The following ZC3H3 variants were observed in gnomAD, a reference collection of about 807,000 sequenced individuals.
ZC3H3 encodes zinc finger CCCH-type containing 3.
ZC3H3 carries 36 observed loss-of-function variants against 77.3 expected under a neutral mutation model. That is an observed-to-expected ratio of 0.47 (90% CI 0.36 to 0.61). The LOEUF (loss-of-function observed/expected upper bound fraction) is 0.61, where lower values mean the gene tolerates loss of function less well. ZC3H3 is among the 20% of genes least tolerant of loss of function. The pLI is 0.00. For synonymous variants in ZC3H3, 626 were observed against 555.2 expected, an observed-to-expected ratio of 1.13 and a Z score of -1.79; for missense variants, 1,331 against 1,312.2, an observed-to-expected ratio of 1.01 and a Z score of -0.22.
In ZC3H3 at chr8:143,521,781, C is replaced by T. The variant is rs200235808; in HGVS notation, c.1562-13882G>A. 4.6e-5 allele frequency among the ~76,000 whole-genome samples: 7 copies of T among 152,322 alleles called. No homozygotes were observed. The East Asian group carries it at 7.7e-4, about 17-fold the overall frequency. On this transcript the variant is annotated intron_variant, in intron 3 of 11. Coordinates refer to ENST00000262577, the MANE Select transcript of ZC3H3 (RefSeq NM_015117.3). Reference sequence around the variant, plus strand: ...CCCCAGAAGGGGTCCCCAGGAAGAACGTAAATTGAGCACACATGCATCTTT... The same window carrying T: ...CCCCAGAAGGGGTCCCCAGGAAGAATGTAAATTGAGCACACATGCATCTTT...
At chr8:143,531,801 T>C (rs553131481) in intron 3 of ZC3H3, among the ~76,000 whole-genome samples, 1 of 152,390 alleles carries the variant, frequency 6.6e-6, no homozygotes, top group East Asian at 1.9e-4. Context: ...TTCAATTTTC[T>C]TTTTATTAGC....
intron 4 of ZC3H3, among the ~76,000 whole-genome samples, chr8:143,496,449 G>A (rs988774473): frequency 1.3e-5 from 2 of 152,224 alleles, no homozygotes; most frequent in African/African-American, 2.4e-5. Flanking sequence ...TCAAAGGGAC[G>A]CAGGCCAGCC....
chr8:143,529,631 G>A (rs889482358), intron 3 of ZC3H3, among the ~76,000 whole-genome samples: 4 of 152,290 alleles, frequency 2.6e-5, no homozygotes, highest in East Asian at 1.9e-4. Flanking sequence ...CTGGGCGGGC[G>A]GCCAGGGCTC....
At chr8:143,449,641 G>A (rs181820152) in intron 9 of ZC3H3, among the ~76,000 whole-genome samples, 333 of 152,310 alleles carry the variant, frequency 2.2e-3, no homozygotes, top group Non-Finnish European at 4.1e-3. Flanking sequence ...GGGAGGCTGA[G>A]GCAGGAGAAT....
chr8:143,488,838 T>C (rs1484071970), intron 4 of ZC3H3, among the ~76,000 whole-genome samples: 1 of 152,228 alleles, frequency 6.6e-6, no homozygotes, highest in Non-Finnish European at 1.5e-5. Context: ...TGGAGTTCCA[T>C]GAATCCATAA....
chr8:143,484,046 C>CT (rs11419473), intron 4 of ZC3H3, among the ~76,000 whole-genome samples: 3,989 of 152,346 alleles, frequency 0.026, 171 homozygotes, highest in African/African-American at 0.091. Context: ...CGGCCAGGGG[C>CT]GCCATGAGGG....
intron 3 of ZC3H3, among the ~76,000 whole-genome samples, chr8:143,509,931 T>C (rs1821820617): frequency 6.6e-6 from 1 of 152,086 alleles, no homozygotes; most frequent in African/African-American, 2.4e-5. Flanking sequence ...CCCTCCCAGG[T>C]CCAGCACATG....
intron 4 of ZC3H3, among the ~76,000 whole-genome samples, chr8:143,504,281 C>T (rs1050406502): frequency 6.6e-6 from 1 of 152,064 alleles, no homozygotes; most frequent in Non-Finnish European, 1.5e-5. Flanking sequence ...CTCCTCAGGG[C>T]GGTGCAGTCC....
intron 9 of ZC3H3, among the ~76,000 whole-genome samples, chr8:143,443,425 T>A (rs1157561747): frequency 6.6e-6 from 1 of 151,912 alleles, no homozygotes; most frequent in Non-Finnish European, 1.5e-5. Flanking sequence ...GACCTTCATC[T>A]CATGTTCACT....
chr8:143,475,126 C>T (rs545135892), intron 5 of ZC3H3, among the ~76,000 whole-genome samples: 8 of 152,366 alleles, frequency 5.3e-5, no homozygotes, highest in Non-Finnish European at 1.2e-4. Flanking sequence ...CTCCGGCTGC[C>T]CTGTTGGTCT....
In ZC3H3 at chr8:143,507,869, G is replaced by T; in HGVS notation, c.1592C>A (p.Pro531His). ...GCGGGTCTTGATCACCTTGCTGGTG[G>T]GTGCAGTCCGCACGGCATGCAGGCT... ...ASSLHAVRTA[P>H]TSKVIKTRYR... Residue 531 changes from proline (P) to histidine (H), a missense_variant, in exon 4 of 12, where the codon CCC (proline) becomes CAC (histidine). Physicochemically the swap from Pro to His is moderately conservative, Grantham distance 77 (BLOSUM62 -2). Transcript: ENST00000262577. 6.2e-7 allele frequency: 1 copy of T among 1,607,644 alleles called. No individual in the cohort carries two copies.
intron 4 of ZC3H3, among the ~76,000 whole-genome samples, chr8:143,476,936 G>A (rs866705342): frequency 3.9e-5 from 6 of 152,200 alleles, no homozygotes; most frequent in Admixed American, 2.0e-4. Context: ...ACCCAGGCCC[G>A]CAGCATGCAT....
intron 3 of ZC3H3, among the ~76,000 whole-genome samples, chr8:143,524,954 C>T (rs1822362990): frequency 6.6e-6 from 1 of 152,266 alleles, no homozygotes; most frequent in Non-Finnish European, 1.5e-5. Flanking sequence ...GGCTGATCTC[C>T]GAGACCAGGG....
At chr8:143,522,793 C>T (rs994636250) in intron 3 of ZC3H3, among the ~76,000 whole-genome samples, 5 of 152,070 alleles carry the variant, frequency 3.3e-5, no homozygotes, top group Admixed American at 2.0e-4. Flanking sequence ...GGTGTGGTGG[C>T]GCACACCTGT....
chr8:143,447,935 T>C (rs1819899264), intron 9 of ZC3H3, among the ~76,000 whole-genome samples: 1 of 151,864 alleles, frequency 6.6e-6, no homozygotes, highest in Admixed American at 6.6e-5. Context: ...TCGAGACCAG[T>C]CTGGACAACA....
At chr8:143,447,179 C>T (rs1323939488) in intron 9 of ZC3H3, among the ~76,000 whole-genome samples, 2 of 152,210 alleles carry the variant, frequency 1.3e-5, no homozygotes, top group Non-Finnish European at 2.9e-5. Context: ...ACCACAGCAC[C>T]CAGCCCTGCT....
intron 3 of ZC3H3, among the ~76,000 whole-genome samples, chr8:143,527,991 C>A (rs956883531): frequency 7.9e-5 from 12 of 152,242 alleles, no homozygotes; most frequent in African/African-American, 2.7e-4. Flanking sequence ...CTGCATCCGG[C>A]AAAGGTCCAG....
At chr8:143,540,970 G>A (rs1822992062) in intron 1 of ZC3H3, among the ~76,000 whole-genome samples, 1 of 152,206 alleles carries the variant, frequency 6.6e-6, no homozygotes, top group African/African-American at 2.4e-5. Flanking sequence ...AAAACCGGGC[G>A]TCAAGGAAGG....
At chr8:143,480,678 C>T (rs1342125393) in intron 4 of ZC3H3, among the ~76,000 whole-genome samples, 2 of 152,326 alleles carry the variant, frequency 1.3e-5, no homozygotes, top group Admixed American at 6.5e-5. Flanking sequence ...TGCGGCTCCT[C>T]GGGTGAGTCC....
Sources: gnomAD v4.1 joint callset for allele counts (sites outside exome capture counted in the v4.1 genomes callset) on GRCh38, gnomAD v4.1.1 for gene constraint, MANE v1.5 for transcripts, NCBI Gene and HGNC (gene_info 2026-07-23, HGNC 2026-07-21) for gene names.